Variants in CHD9 observed in about 807,000 individuals in gnomAD.
The protein encoded by CHD9 is chromodomain helicase DNA binding protein 9, also known as ATP-dependent chromatin remodeler CHD9.
In CHD9, 77 loss-of-function variants were observed where a neutral mutation model predicts 316.1. The observed-to-expected ratio is 0.24, with a 90% CI of 0.20 to 0.29. CHD9 has a LOEUF of 0.29. Among genes scored for constraint, CHD9 ranks in the 10% least tolerant of loss-of-function variants. The probability of loss-of-function intolerance (pLI) is 1.00; values close to 1 mark genes in which losing one functional copy is unlikely to be tolerated. For missense variants in CHD9, 2,763 were observed against 3,438.1 expected, an observed-to-expected ratio of 0.80 and a Z score of 4.91; for synonymous variants, 1,129 against 1,158.3, an observed-to-expected ratio of 0.97 and a Z score of 0.51.
rs563957514 is a variant in CHD9, at chr16:53,327,139, A to G, written c.*2244A>G. On this transcript the variant is annotated 3_prime_UTR_variant, in exon 39 of 39. Transcript: ENST00000447540. ...CTATCAGCTAAGAAAACACATGCAA[A>G]TATGGTTGTGTAAAGTTAAGGGTTA... The G allele has an allele frequency of 3.3e-5, 5 of 152,646 alleles. No individual in the cohort carries two copies. The highest frequency in any genetic ancestry group is 1.2e-4 in the African/African-American group (5 of 41,578). The allele number at this position is 152,646 out of a possible 1,614,324, so 9.5% of individuals were successfully genotyped here.
intron 2 of CHD9, among the ~76,000 whole-genome samples, chr16:53,206,586 C>G (rs1038773764): frequency 6.6e-6 from 1 of 152,168 alleles, no homozygotes; most frequent in African/African-American, 2.4e-5. Flanking sequence ...AGTCATTTCT[C>G]TATCCCCCAG....
rs369666711 is a variant in CHD9, at chr16:53,217,582, A to T, written c.1785-5062A>T. On this transcript the variant is annotated intron_variant, in intron 3 of 38. Coordinates refer to ENST00000447540, the MANE Select transcript of CHD9 (RefSeq NM_001308319.2). ...ATCTGTATTTTAAATAGCTTTCATG[A>T]AGCTTTCCCCAAACACTTAGGCACT... Among the ~76,000 whole-genome samples, 7 of 152,270 alleles carry T rather than the reference A, an allele frequency of 4.6e-5. No homozygotes were observed. The South Asian group carries it at 1.5e-3, about 32-fold the overall frequency.
At position 53,085,070 on chromosome 16, in the gene CHD9, T is replaced by C. The variant is rs146207265; in HGVS notation, c.-165+29993T>C. 1.2e-4 allele frequency among the ~76,000 whole-genome samples: 19 copies of C among 152,154 alleles called. No individual in the cohort carries two copies. The East Asian group carries it at 3.5e-3, about 28-fold the overall frequency. On this transcript the variant is annotated intron_variant, in intron 1 of 38. Transcript: ENST00000447540. ...TGGGAGACTTCACGTAAAATCCAAATCTTCACTTATTTTGGAAAAATAAAA... is the reference window on the plus strand; with the variant it reads ...TGGGAGACTTCACGTAAAATCCAAACCTTCACTTATTTTGGAAAAATAAAA...
intron 2 of CHD9, chr16:53,208,055 A>C: frequency 1.0e-6 from 1 of 994,366 alleles, no homozygotes; most frequent in Non-Finnish European, 1.2e-6. Context: ...GAATCTGGCT[A>C]TCTGCTTACA....
chr16:53,162,480 T>C (rs17374658), intron 2 of CHD9, among the ~76,000 whole-genome samples: 554 of 152,070 alleles, frequency 3.6e-3, no homozygotes, highest in Middle Eastern at 0.024. Flanking sequence ...GTCTTATTCG[T>C]GAAGTGGAAA....
chr16:53,215,138 G>A (rs189630701), intron 3 of CHD9, among the ~76,000 whole-genome samples: 150 of 152,120 alleles, frequency 9.9e-4, no homozygotes, highest in Non-Finnish European at 1.7e-3. Flanking sequence ...CGATGGTCTC[G>A]ATCTCCTGAC....
chr16:53,234,393 C>T (rs928455933), intron 10 of CHD9, among the ~76,000 whole-genome samples: 6 of 152,100 alleles, frequency 3.9e-5, no homozygotes, highest in Non-Finnish European at 8.8e-5. Context: ...AGAGGACATC[C>T]TTGCCTTATT....
chr16:53,209,118 G>C (rs2046125122), intron 2 of CHD9, among the ~76,000 whole-genome samples: 1 of 152,064 alleles, frequency 6.6e-6, no homozygotes, highest in South Asian at 2.1e-4. Context: ...TTAATGTTCA[G>C]AATTTTGGAG....
At chr16:53,315,106 A>G (rs2056780477) in intron 36 of CHD9, 62 bp downstream of exon 36, 1 of 1,206,242 alleles carries the variant, frequency 8.3e-7, no homozygotes, top group East Asian at 2.5e-5. Flanking sequence ...ATCTATCATG[A>G]TGAAGCATAA....
At chr16:53,296,773 G>A (rs1299908597) in intron 29 of CHD9, among the ~76,000 whole-genome samples, 183 bp from the exon 30 acceptor site, 2 of 152,148 alleles carry the variant, frequency 1.3e-5, no homozygotes, top group African/African-American at 4.8e-5. Context: ...CTAAAAAAAA[G>A]TATGGTTGGA....
intron 22 of CHD9, 91 bp downstream of exon 22, chr16:53,268,217 C>A (rs2051884517): frequency 5.5e-6 from 5 of 909,696 alleles, no homozygotes; most frequent in Non-Finnish European, 6.4e-6. Flanking sequence ...AAAAGCATTA[C>A]AAATAATATT....
intron 1 of CHD9, among the ~76,000 whole-genome samples, chr16:53,108,254 C>A (rs1044937729): frequency 2.0e-5 from 3 of 152,150 alleles, no homozygotes; most frequent in Admixed American, 1.3e-4. Flanking sequence ...GTAGTCCCAG[C>A]ACTTTGGGAG....
chr16:53,224,224 TA>T (rs1395276913), intron 4 of CHD9, among the ~76,000 whole-genome samples: 3 of 152,124 alleles, frequency 2.0e-5, no homozygotes, highest in African/African-American at 7.2e-5. Flanking sequence ...AGTTGTGCTT[TA>T]AAAAACATTA....
rs1360459099 is a variant in CHD9 at position 53,308,946 on chromosome 16, T to A, written c.7222+92T>A. On this transcript the variant is annotated intron_variant, in intron 34 of 38. Transcript: ENST00000447540. ...AGATGCTTGTAATAAAAATTTATTT[T>A]TCCTTTGTTGGAACCTCTTAAGCCT... 3 of 1,052,414 alleles carry A rather than the reference T, an allele frequency of 2.9e-6. No homozygotes were observed. The African/African-American group carries it at 4.8e-5, about 17-fold the overall frequency. The allele number at this position is 1,052,414 out of a possible 1,614,324, so 65.2% of individuals were successfully genotyped here.
chr16:53,131,420 G>C (rs2039297478), intron 1 of CHD9: 1 of 143,720 alleles, frequency 7.0e-6, no homozygotes. Flanking sequence ...GGCCGGGGTC[G>C]GGCGGGCGGG....
intron 1 of CHD9, among the ~76,000 whole-genome samples, chr16:53,103,759 G>C (rs1445082150): frequency 6.6e-6 from 1 of 152,086 alleles, no homozygotes; most frequent in Non-Finnish European, 1.5e-5. Flanking sequence ...CCTAACATTG[G>C]TCTCTAGTGC....
intron 19 of CHD9, 37 bp downstream of exon 19, chr16:53,255,816 T>C: frequency 6.4e-7 from 1 of 1,572,396 alleles, no homozygotes; most frequent in Non-Finnish European, 8.7e-7. Flanking sequence ...ATAGCAGTGA[T>C]GTTCACATCC....
rs764765028 is a variant in CHD9, at chr16:53,245,642, A to G, written c.3246A>G (p.Leu1082=). The G allele has an allele frequency of 6.2e-7, 1 of 1,604,832 alleles. No individual in the cohort carries two copies. Among genetic ancestry groups the G allele is most frequent in the Non-Finnish European group, 8.5e-7 (1 of 1,176,896 alleles). The change falls in exon 15 of 39, where the codon TTA becomes TTG. Residue 1082 remains leucine (L), a synonymous_variant. Coordinates refer to ENST00000447540, the MANE Select transcript of CHD9 (RefSeq NM_001308319.2). This position sits in a 1 kb window ranked among gnomAD's most constrained non-coding sequence, Gnocchi z 4.1. ...AILKPMMLRR[L]KEDVEKKLAP... is the part of the protein sequence containing the mutation. ...TGAAACCAATGATGTTGAGACGATTAAAAGAAGATGTGGAAAAGAAGTTGG... is the reference window on the plus strand; with the variant it reads ...TGAAACCAATGATGTTGAGACGATTGAAAGAAGATGTGGAAAAGAAGTTGG...
intron 2 of CHD9, among the ~76,000 whole-genome samples, chr16:53,177,864 A>G (rs1345436841): frequency 1.3e-5 from 2 of 152,200 alleles, no homozygotes; most frequent in South Asian, 2.1e-4. Context: ...GAAGCAGGCT[A>G]TTCTACTCTA....
Sources: gnomAD v4.1 joint callset for allele counts (sites outside exome capture counted in the v4.1 genomes callset) on GRCh38, gnomAD v4.1.1 for gene constraint, Gnocchi (gnomAD v3.1) non-coding constraint, MANE v1.5 for transcripts, NCBI Gene and HGNC (gene_info 2026-07-23, HGNC 2026-07-21) for gene names.